Variants in UNKL observed in about 807,000 individuals in gnomAD.
UNKL encodes the protein putative E3 ubiquitin-protein ligase UNKL.
UNKL carries 60 observed loss-of-function variants against 78.0 expected under a neutral mutation model. That is an observed-to-expected ratio of 0.77 (90% CI 0.63 to 0.95). The LOEUF (loss-of-function observed/expected upper bound fraction) is 0.95, where lower values mean the gene tolerates loss of function less well. Ranked by LOEUF, UNKL falls within the 40% of genes least tolerant of loss-of-function variation. The probability of loss-of-function intolerance (pLI) is 0.00; values close to 1 mark genes in which losing one functional copy is unlikely to be tolerated. For synonymous variants in UNKL, 608 were observed against 474.8 expected, an observed-to-expected ratio of 1.28 and a Z score of -3.65; for missense variants, 1,159 against 1,045.7, an observed-to-expected ratio of 1.11 and a Z score of -1.49.
intron 2 of UNKL, among the ~76,000 whole-genome samples, chr16:1,409,209 G>C (rs1350220095): frequency 6.6e-6 from 1 of 152,204 alleles, no homozygotes; most frequent in African/African-American, 2.4e-5. Flanking sequence ...ACCGCGCCCA[G>C]CCAAAATAGA....
chr16:1,392,854 G>C, intron 8 of UNKL, 37 bp downstream of exon 8: 70 of 1,548,578 alleles, frequency 4.5e-5, no homozygotes, highest in Non-Finnish European at 6.0e-5. Flanking sequence ...TAAACCAAAG[G>C]ACACTGGGCA....
chr16:1,409,853 A>G (rs2037956720), intron 2 of UNKL, among the ~76,000 whole-genome samples: 1 of 151,690 alleles, frequency 6.6e-6, no homozygotes, highest in Non-Finnish European at 1.5e-5. Context: ...GGCCAAGGCT[A>G]GCGGATCACC....
intron 12 of UNKL, chr16:1,369,851 T>G: frequency 8.2e-7 from 1 of 1,222,236 alleles, no homozygotes; most frequent in East Asian, 2.6e-5. Context: ...GGCGCCCGCC[T>G]GTAGTCCCAG....
chr16:1,414,069 C>G lies in UNKL; in HGVS notation c.78-14G>C, dbSNP rs766258789. The G allele has an allele frequency of 2.2e-4, 332 of 1,528,000 alleles. No homozygotes were observed. The highest frequency in any genetic ancestry group is 4.3e-4 in the Middle Eastern group (2 of 4,700). The allele number at this position is 1,528,000 out of a possible 1,614,324, so 94.7% of individuals were successfully genotyped here. On this transcript the variant is annotated splice_polypyrimidine_tract_variant and intron_variant, in intron 1 of 14. Transcript: ENST00000389221. ...TCCTTCAGGTACCTACAAACACAGA[C>G]AGCGCCGCGGCTCGCTTCCGGCAGC... is the stretch of plus-strand genomic sequence containing the variant.
chr16:1,364,406 T>C lies in UNKL; in HGVS notation c.*1834A>G, dbSNP rs2035067344. 6.6e-6 allele frequency: 1 copy of C among 152,264 alleles called. No individual in the cohort carries two copies. 9.4% of individuals were successfully genotyped at this position (152,264 alleles called of 1,614,324 possible). ...CTTAAAAAATGCTATTAAAAGTCTT[T>C]GGCAAAGCCACGGTCGGGGAGAAAC... On this transcript the variant is annotated 3_prime_UTR_variant, in exon 15 of 15. Coordinates refer to ENST00000389221, the MANE Select transcript of UNKL (RefSeq NM_001372107.1).
In UNKL at chr16:1,382,988, A is replaced by G. The variant is rs112493233; in HGVS notation, c.1264+2220T>C. 1.7e-3 allele frequency among the ~76,000 whole-genome samples: 253 copies of G among 151,382 alleles called. 3 individuals are homozygous for G. Among genetic ancestry groups the G allele is most frequent in the African/African-American group, 5.3e-3 (219 of 41,182 alleles). ...AAACACACACACACATGCCGGGCACAGTGGCTCACACCTGCAACCCCAGCA... is the reference window on the plus strand; with the variant it reads ...AAACACACACACACATGCCGGGCACGGTGGCTCACACCTGCAACCCCAGCA... On this transcript the variant is annotated intron_variant, in intron 10 of 14. Coordinates refer to ENST00000389221, the MANE Select transcript of UNKL (RefSeq NM_001372107.1).
rs1228820388 is a variant in UNKL at position 1,363,521 on chromosome 16, C to G, written c.*2719G>C. 1 of 263,420 alleles carries G rather than the reference C, an allele frequency of 3.8e-6. No individual in the cohort carries two copies. Among genetic ancestry groups the G allele is most frequent in the Non-Finnish European group, 7.5e-6 (1 of 132,864 alleles). 16.3% of individuals were successfully genotyped at this position (263,420 alleles called of 1,614,324 possible). On this transcript the variant is annotated 3_prime_UTR_variant, in exon 15 of 15. Transcript: ENST00000389221. Reference sequence around the variant, plus strand: ...ACTGTATCACGGCGAATGTCGAACACTAGAGTTACAGACGACAGGCAACAA... The same window carrying G: ...ACTGTATCACGGCGAATGTCGAACAGTAGAGTTACAGACGACAGGCAACAA...
intron 2 of UNKL, among the ~76,000 whole-genome samples, chr16:1,412,472 C>T (rs766166782): frequency 7.2e-5 from 11 of 152,094 alleles, no homozygotes; most frequent in Non-Finnish European, 1.6e-4. Flanking sequence ...CTTAGCTAGG[C>T]GTGGTGGCGG....
chr16:1,379,826 T>C (rs904813180), intron 10 of UNKL: 12 of 580,940 alleles, frequency 2.1e-5, no homozygotes, highest in Middle Eastern at 1.7e-3. Flanking sequence ...CCGCGGCTCC[T>C]GGCTACGAGC....
At chr16:1,366,416 C>G (rs770904779) in intron 14 of UNKL, 21 bp from the exon 15 acceptor site, 1 of 1,560,676 alleles carries the variant, frequency 6.4e-7, no homozygotes, top group East Asian at 2.3e-5. Context: ...AGAACAATGA[C>G]GGGCTCAGGA....
intron 2 of UNKL, among the ~76,000 whole-genome samples, chr16:1,408,261 C>G (rs1293514368): frequency 1.1e-3 from 2 of 1,852 alleles, no homozygotes; most frequent in Non-Finnish European, 3.4e-3. Flanking sequence ...ATGGGAGCTG[C>G]CCCCCCCCCC....
At chr16:1,379,528 C>T (rs944757319) in intron 10 of UNKL, 16 of 984,984 alleles carry the variant, frequency 1.6e-5, no homozygotes, top group Admixed American at 6.2e-5. Flanking sequence ...ACGCGGGGGA[C>T]GCACCTGGCG....
chr16:1,393,013 C>T, intron 7 of UNKL, 37 bp from the exon 8 acceptor site: 3 of 1,546,054 alleles, frequency 1.9e-6, no homozygotes, highest in Non-Finnish European at 2.6e-6. Flanking sequence ...CTGAGGGCCG[C>T]TGGTGGGCGA....
intron 5 of UNKL, chr16:1,398,267 ACT>A: frequency 6.0e-6 from 6 of 993,826 alleles, no homozygotes; most frequent in Non-Finnish European, 6.0e-6. Context: ...ACAGAGTGAG[ACT>A]CTGTCTCATA....
At position 1,399,677 on chromosome 16, in the gene UNKL, C is replaced by T; in HGVS notation, c.599-168G>A. 1 of 1,038,704 alleles carries T rather than the reference C, an allele frequency of 9.6e-7. No homozygotes were observed. Among genetic ancestry groups the T allele is most frequent in the Non-Finnish European group, 1.4e-6 (1 of 728,098 alleles). 64.3% of individuals were successfully genotyped at this position (1,038,704 alleles called of 1,614,324 possible). ...ACACGCTGATGTCAAAGGACTCGCG[C>T]TCCATGAGGGAAGCCGGGCCAGAAG... On this transcript the variant is annotated intron_variant, in intron 4 of 14. Transcript: ENST00000389221. This position sits in a 1 kb window ranked among gnomAD's most constrained non-coding sequence, Gnocchi z 5.8.
At position 1,397,811 on chromosome 16, in the gene UNKL, C is replaced by A. The variant is rs565909804; in HGVS notation, c.735-516G>T. Among the ~76,000 whole-genome samples, 3 of 151,558 alleles carry A rather than the reference C, an allele frequency of 2.0e-5. No homozygotes were observed. The South Asian group carries it at 6.3e-4, about 32-fold the overall frequency. On this transcript the variant is annotated intron_variant, in intron 5 of 14. Transcript: ENST00000389221. ...CCCCGTGCTTCACGCTGGGGCAGGGCGTGGACCTGGGGATGAGGAGGTGTC... is the reference window on the plus strand; with the variant it reads ...CCCCGTGCTTCACGCTGGGGCAGGGAGTGGACCTGGGGATGAGGAGGTGTC...
chr16:1,390,507 G>C (rs868083239), intron 9 of UNKL, 125 bp downstream of exon 9: 1 of 1,001,950 alleles, frequency 1.0e-6, no homozygotes, highest in Non-Finnish European at 1.4e-6. Context: ...CGAGCCGAGA[G>C]TGGGCGGGAC....
At chr16:1,372,483 G>A (rs938417615) in intron 10 of UNKL, among the ~76,000 whole-genome samples, 13 of 152,044 alleles carry the variant, frequency 8.6e-5, no homozygotes, top group African/African-American at 2.7e-4. Context: ...CCTCCTGCAC[G>A]GGCCCTTCCC....
In UNKL at chr16:1,367,235, G is replaced by T; in HGVS notation, c.1903C>A (p.Gln635Lys). The change falls in exon 14 of 15, where the codon CAG becomes AAG. Residue 635 changes from glutamine to lysine, a missense_variant. Physicochemically the swap from Gln to Lys is moderately conservative, Grantham distance 53. Transcript: ENST00000389221. ...AGGCCCTCCAGCTCCTCCTGCAGCT[G>T]CTTCACCTGTGCCTCCACCTCCTCC... ...KKEEVEAQVK[Q>K]LQEELEGLGV... 6.3e-7 allele frequency: 1 copy of T among 1,597,220 alleles called. No homozygotes were observed.
Sources: gnomAD v4.1 joint callset for allele counts (sites outside exome capture counted in the v4.1 genomes callset) on GRCh38, gnomAD v4.1.1 for gene constraint, Gnocchi (gnomAD v3.1) non-coding constraint, MANE v1.5 for transcripts, NCBI Gene and HGNC (gene_info 2026-07-23, HGNC 2026-07-21) for gene names.